Variants in IL13RA1 observed in about 807,000 individuals in gnomAD.
IL13RA1 encodes the protein interleukin-13 receptor subunit alpha-1.
IL13RA1 carries 14 observed loss-of-function variants against 33.8 expected under a neutral mutation model. That is an observed-to-expected ratio of 0.41 (90% CI 0.27 to 0.65). The LOEUF (loss-of-function observed/expected upper bound fraction) is 0.65, where lower values mean the gene tolerates loss of function less well. Among genes scored for constraint, IL13RA1 ranks in the 30% least tolerant of loss-of-function variants. IL13RA1 has a pLI of 0.28. For synonymous variants in IL13RA1, 116 were observed against 115.7 expected, an observed-to-expected ratio of 1.00 and a Z score of -0.02; for missense variants, 313 against 327.0, an observed-to-expected ratio of 0.96 and a Z score of 0.33.
chrX:118,780,852 A>G (rs1441372978), intron 10 of IL13RA1, among the ~76,000 whole-genome samples: 1 of 111,968 alleles, frequency 8.9e-6, no homozygotes. Context: ...CTGGACTAGA[A>G]CCCATATAGC....
chrX:118,786,956 A>G (rs1261742686), intron 10 of IL13RA1, among the ~76,000 whole-genome samples: 1 of 112,221 alleles, frequency 8.9e-6, no homozygotes, highest in African/African-American at 3.2e-5. Context: ...TCTCAGATCT[A>G]TAGGATGCCA....
intron 6 of IL13RA1, among the ~76,000 whole-genome samples, chrX:118,762,454 C>T (rs1158288539): frequency 8.9e-6 from 1 of 112,026 alleles, no homozygotes; most frequent in Non-Finnish European, 1.9e-5. Context: ...GCATCTCGCA[C>T]GTGGGTAAAT....
At chrX:118,754,774 C>T (rs1023233957) in intron 4 of IL13RA1, among the ~76,000 whole-genome samples, 3 of 110,211 alleles carry the variant, frequency 2.7e-5, no homozygotes, top group African/African-American at 9.9e-5. Flanking sequence ...TCTTGCTCTC[C>T]TCTAGATAGA....
At chrX:118,798,918 C>CTGGA (rs913846826), downstream of IL13RA1, among the ~76,000 whole-genome samples, 3 of 112,403 alleles carry the variant, frequency 2.7e-5, no homozygotes, top group African/African-American at 9.7e-5. Flanking sequence ...CTGGCCAAGG[C>CTGGA]TGGAGCCCAC....
At chrX:118,733,922 A>G (rs1254761382) in intron 1 of IL13RA1, among the ~76,000 whole-genome samples, 1 of 111,971 alleles carries the variant, frequency 8.9e-6, no homozygotes, top group Non-Finnish European at 1.9e-5. Flanking sequence ...TCATTTGACC[A>G]TACATGTGAT....
intron 10 of IL13RA1, among the ~76,000 whole-genome samples, chrX:118,786,685 C>T (rs1275951375): frequency 8.9e-6 from 1 of 112,073 alleles, no homozygotes; most frequent in Non-Finnish European, 1.9e-5. Context: ...TTCTGTCTAC[C>T]TTTCTGCTTT....
At chrX:118,784,767 C>G (rs1436249601) in intron 10 of IL13RA1, among the ~76,000 whole-genome samples, 2 of 111,942 alleles carry the variant, frequency 1.8e-5, no homozygotes, top group Non-Finnish European at 3.8e-5. Flanking sequence ...GTCATTTTGG[C>G]AAAATATAAA....
intron 4 of IL13RA1, among the ~76,000 whole-genome samples, chrX:118,752,012 G>A (rs907822924): frequency 9.1e-6 from 1 of 110,217 alleles, no homozygotes; most frequent in Non-Finnish European, 1.9e-5. Flanking sequence ...GGCAAAGTTG[G>A]GAAATCCTGC....
chrX:118,748,874 A>C (rs2017439946), intron 3 of IL13RA1, among the ~76,000 whole-genome samples: 1 of 111,396 alleles, frequency 9.0e-6, no homozygotes, highest in South Asian at 3.8e-4. Flanking sequence ...TAAGAGTTAA[A>C]TTAGGCTTAC....
downstream of IL13RA1, among the ~76,000 whole-genome samples, chrX:118,799,286 AC>A (rs1461560516): frequency 1.8e-5 from 2 of 112,132 alleles, no homozygotes. Context: ...GACGAGCACT[AC>A]CCCCTGCTCC....
At chrX:118,796,779 G>A (rs903422780), downstream of IL13RA1, among the ~76,000 whole-genome samples, 3 of 112,254 alleles carry the variant, frequency 2.7e-5, no homozygotes, top group Admixed American at 1.9e-4. Context: ...CAGGTGATCC[G>A]CCCGCCTCGG....
chrX:118,799,339 C>G (rs749592696), downstream of IL13RA1, among the ~76,000 whole-genome samples: 1 of 113,248 alleles, frequency 8.8e-6, no homozygotes, highest in African/African-American at 3.2e-5. Context: ...CTGAGGAATG[C>G]GAGCGCACAG....
At chrX:118,789,214 T>A (rs2017952244) in intron 10 of IL13RA1, among the ~76,000 whole-genome samples, 1 of 112,326 alleles carries the variant, frequency 8.9e-6, no homozygotes, top group Admixed American at 9.4e-5. Context: ...TTTACTGATG[T>A]ATAAAAATAT....
At chrX:118,753,631 A>G (rs28528155) in intron 4 of IL13RA1, among the ~76,000 whole-genome samples, 6,869 of 113,158 alleles carry the variant, frequency 0.061, 529 homozygotes, top group African/African-American at 0.21. Flanking sequence ...GGCCCAAGCC[A>G]TCCCCCCATG....
chrX:118,734,096 G>A (rs1330599283), intron 1 of IL13RA1, among the ~76,000 whole-genome samples: 4 of 111,596 alleles, frequency 3.6e-5, no homozygotes, highest in African/African-American at 1.3e-4. Context: ...GCTATTCAGG[G>A]TTCCTTGAGA....
At chrX:118,782,623 C>T (rs1012239402) in intron 10 of IL13RA1, among the ~76,000 whole-genome samples, 4 of 105,691 alleles carry the variant, frequency 3.8e-5, no homozygotes, top group African/African-American at 1.4e-4. Context: ...TTTGAGACAG[C>T]GTCTCACTGT....
In IL13RA1 at chrX:118,779,948, C is replaced by T. The variant is rs142873776; in HGVS notation, c.1191+3437C>T. Among the ~76,000 whole-genome samples the T allele has an allele frequency of 1.7e-3, 189 of 111,814 alleles. 5 individuals carry two copies. The South Asian group carries it at 0.037, about 22-fold the overall frequency. On this transcript the variant is annotated intron_variant, in intron 10 of 10. Coordinates refer to ENST00000371666, the MANE Select transcript of IL13RA1 (RefSeq NM_001560.3). Reference sequence around the variant, plus strand: ...AAAATTGCTTTTTTCAATTTGCTGTCTAGAGGATAATATGTTGTTTTTGTC... The same window carrying T: ...AAAATTGCTTTTTTCAATTTGCTGTTTAGAGGATAATATGTTGTTTTTGTC...
At chrX:118,730,658 CACAG>C (rs1245000448) in intron 1 of IL13RA1, among the ~76,000 whole-genome samples, 1 of 111,545 alleles carries the variant, frequency 9.0e-6, no homozygotes, top group African/African-American at 3.3e-5. Context: ...GGAAAAATAA[CACAG>C]AAGGAGGAAG....
chrX:118,785,605 C>T (rs187559765), intron 10 of IL13RA1, among the ~76,000 whole-genome samples: 11 of 111,629 alleles, frequency 9.9e-5, no homozygotes, highest in Admixed American at 9.5e-4. Flanking sequence ...GAGTCTCACT[C>T]CATCGCCCAG....
Sources: gnomAD v4.1 joint callset for allele counts (sites outside exome capture counted in the v4.1 genomes callset) on GRCh38, gnomAD v4.1.1 for gene constraint, MANE v1.5 for transcripts, NCBI Gene and HGNC (gene_info 2026-07-23, HGNC 2026-07-21) for gene names.